Variants in MACROD2 observed in about 807,000 individuals in gnomAD.
MACROD2 encodes mono-ADP ribosylhydrolase 2, also known as ADP-ribose glycohydrolase MACROD2.
MACROD2 carries 36 observed loss-of-function variants against 70.4 expected under a neutral mutation model. That is an observed-to-expected ratio of 0.51 (90% CI 0.39 to 0.68). The LOEUF (loss-of-function observed/expected upper bound fraction) is 0.68. Among genes scored for constraint, MACROD2 ranks in the 30% least tolerant of loss-of-function variants. The pLI, the probability that MACROD2 is intolerant of heterozygous loss-of-function variation, is 0.00. For missense variants in MACROD2, 496 were observed against 538.4 expected (o/e 0.92, Z 0.78); for synonymous variants, 172 against 178.8 (o/e 0.96, Z 0.30).
intron 5 of MACROD2, among the ~76,000 whole-genome samples, chr20:15,035,612 C>CTA (rs2123010618): frequency 6.6e-6 from 1 of 152,122 alleles, no homozygotes; most frequent in East Asian, 1.9e-4. Context: ...CTGTCCCTTG[C>CTA]TATGGTCACT....
At chr20:14,426,935 A>G (rs1329500399) in intron 3 of MACROD2, among the ~76,000 whole-genome samples, 1 of 152,166 alleles carries the variant, frequency 6.6e-6, no homozygotes, top group Non-Finnish European at 1.5e-5. Flanking sequence ...CCAGGGATGC[A>G]ATTTGGATAT....
At chr20:15,933,550 A>G (rs2065611777) in intron 11 of MACROD2, among the ~76,000 whole-genome samples, 1 of 152,162 alleles carries the variant, frequency 6.6e-6, no homozygotes. Context: ...CTCATTCACC[A>G]ATTCAATTTT....
intron 5 of MACROD2, among the ~76,000 whole-genome samples, chr20:14,732,437 C>T (rs550064295): frequency 9.9e-5 from 15 of 152,134 alleles, no homozygotes; most frequent in African/African-American, 3.4e-4. Context: ...AAGGGGTCCA[C>T]TGGGAAGGCA....
chr20:15,170,944 A>G (rs1405660786), intron 5 of MACROD2, among the ~76,000 whole-genome samples: 1 of 152,168 alleles, frequency 6.6e-6, no homozygotes, highest in Non-Finnish European at 1.5e-5. Context: ...AGCACCAGGC[A>G]GTTAGCCTGG....
intron 6 of MACROD2, among the ~76,000 whole-genome samples, chr20:15,327,346 G>C (rs180873236): frequency 7.7e-4 from 117 of 152,208 alleles, no homozygotes; most frequent in African/African-American, 2.7e-3. Flanking sequence ...AGGTGAGAGT[G>C]ATCCCCTTAT....
At chr20:15,467,475 C>A (rs2046909413) in intron 7 of MACROD2, among the ~76,000 whole-genome samples, 1 of 152,170 alleles carries the variant, frequency 6.6e-6, no homozygotes, top group African/African-American at 2.4e-5. Context: ...CTCTCCAAGG[C>A]GAAACATTGC....
At position 14,184,149 on chromosome 20, in the gene MACROD2, G is replaced by T. The variant is rs759990438; in HGVS notation, c.271+98421G>T. Among the ~76,000 whole-genome samples, 11 of 152,036 alleles carry T rather than the reference G, an allele frequency of 7.2e-5. 1 individual carries two copies. In the South Asian group the frequency reaches 1.2e-3, roughly 17 times the overall value. The stretch of plus-strand genomic sequence containing the variant: ...TGTATTGCATATGTTTTCTTCCAGG[G>T]TTTTGTAGTTTTGGGCTTTGCATTT... On this transcript the variant is annotated intron_variant, in intron 3 of 17. Coordinates refer to ENST00000684519, the MANE Select transcript of MACROD2 (RefSeq NM_001351661.2).
At chr20:15,647,254 G>C (rs1002250878) in intron 8 of MACROD2, among the ~76,000 whole-genome samples, 1 of 152,130 alleles carries the variant, frequency 6.6e-6, no homozygotes, top group African/African-American at 2.4e-5. Context: ...GACACCAAAA[G>C]GTTAAGGAGA....
chr20:15,403,756 T>C (rs555074242), intron 6 of MACROD2, among the ~76,000 whole-genome samples: 5 of 152,150 alleles, frequency 3.3e-5, no homozygotes, highest in African/African-American at 1.2e-4. Flanking sequence ...ACTTAGCCCA[T>C]GAGATTGCAG....
chr20:14,576,696 G>A (rs11907915), intron 4 of MACROD2, among the ~76,000 whole-genome samples: 160 of 151,098 alleles, frequency 1.1e-3, no homozygotes, highest in African/African-American at 3.7e-3. Context: ...GTTATATAAG[G>A]GCTCTCAGAG....
chr20:15,847,187 A>G lies in MACROD2; in HGVS notation c.646-15558A>G, dbSNP rs144134449. ...TCTTCTCCTCAACATTTCCAAAAGT[A>G]TAACGTAGAGGATTGGTTTGTTTTT... is the stretch of plus-strand genomic sequence containing the variant. On this transcript the variant is annotated intron_variant, in intron 8 of 17. Transcript: ENST00000684519. 1.9e-4 allele frequency among the ~76,000 whole-genome samples: 29 copies of G among 152,332 alleles called. No individual in the cohort carries two copies. In the East Asian group the frequency reaches 4.1e-3, roughly 21 times the overall value.
At position 14,420,771 on chromosome 20, in the gene MACROD2, A is replaced by G. The variant is rs182755992; in HGVS notation, c.272-72708A>G. ...TCAGTGGTGTGATCACAGCTCACTGAAGCCTCAACTCCTAGGCTCAAGCAA... is the reference window on the plus strand; with the variant it reads ...TCAGTGGTGTGATCACAGCTCACTGGAGCCTCAACTCCTAGGCTCAAGCAA... On this transcript the variant is annotated intron_variant, in intron 3 of 17. Coordinates refer to ENST00000684519, the MANE Select transcript of MACROD2 (RefSeq NM_001351661.2). Among the ~76,000 whole-genome samples, 93 of 152,248 alleles carry G rather than the reference A, an allele frequency of 6.1e-4. No homozygotes were observed. The East Asian group carries it at 0.011, about 17-fold the overall frequency.
chr20:15,681,113 T>G lies in MACROD2; in HGVS notation c.645+181266T>G, dbSNP rs113220722. On this transcript the variant is annotated intron_variant, in intron 8 of 17. Transcript: ENST00000684519. ...GTGAAAACGTCCACTCCAATCTTCT[T>G]ACCAAGGTACAGGCAAGTGTACACT... 2.8e-3 allele frequency among the ~76,000 whole-genome samples: 430 copies of G among 152,320 alleles called. 2 individuals carry two copies. Among genetic ancestry groups the G allele is most frequent in the African/African-American group, 9.6e-3 (398 of 41,566 alleles).
rs1256777607 is a variant in MACROD2 at position 15,725,055 on chromosome 20, C to G, written c.646-137690C>G. ...CGAGATCACGCCACTCCACTCCAGC[C>G]TGGGCGACAGAGTGAGACTCCATCT... On this transcript the variant is annotated intron_variant, in intron 8 of 17. Transcript: ENST00000684519. Among the ~76,000 whole-genome samples, 12 of 152,224 alleles carry G rather than the reference C, an allele frequency of 7.9e-5. No homozygotes were observed. In the East Asian group the frequency reaches 2.3e-3, roughly 29 times the overall value.
intron 8 of MACROD2, among the ~76,000 whole-genome samples, chr20:15,712,131 TCTAA>T (rs1382541171): frequency 6.6e-6 from 1 of 152,228 alleles, no homozygotes; most frequent in Non-Finnish European, 1.5e-5. Flanking sequence ...AAAATGTTGT[TCTAA>T]CTAACATATC....
At chr20:14,057,387 C>G (rs2053642877) in intron 2 of MACROD2, among the ~76,000 whole-genome samples, 1 of 152,152 alleles carries the variant, frequency 6.6e-6, no homozygotes, top group African/African-American at 2.4e-5. Flanking sequence ...TGGCTTATAT[C>G]CATACTATGT....
intron 5 of MACROD2, among the ~76,000 whole-genome samples, chr20:15,192,022 C>G (rs1237801606): frequency 8.6e-3 from 241 of 28,102 alleles, no homozygotes; most frequent in African/African-American, 0.017. Context: ...ATGTATCTAT[C>G]TATCTATCTA....
At chr20:14,282,315 A>G (rs1174506039) in intron 3 of MACROD2, among the ~76,000 whole-genome samples, 1 of 152,200 alleles carries the variant, frequency 6.6e-6, no homozygotes, top group Non-Finnish European at 1.5e-5. Flanking sequence ...AGAATTTCAA[A>G]TCTCCAAATA....
At chr20:14,106,018 T>G (rs2054363245) in intron 3 of MACROD2, among the ~76,000 whole-genome samples, 1 of 152,170 alleles carries the variant, frequency 6.6e-6, no homozygotes, top group South Asian at 2.1e-4. Flanking sequence ...GTGCTGGCTT[T>G]AGGTGTTACC....
Sources: gnomAD v4.1 joint callset for allele counts (sites outside exome capture counted in the v4.1 genomes callset) on GRCh38, gnomAD v4.1.1 for gene constraint, MANE v1.5 for transcripts, NCBI Gene and HGNC (gene_info 2026-07-23, HGNC 2026-07-21) for gene names.